PAK5: variants seen among roughly 807,000 people sequenced by gnomAD.
PAK5 encodes the protein serine/threonine-protein kinase PAK 5.
In PAK5, 16 loss-of-function variants were observed where a neutral mutation model predicts 65.9. That is an observed-to-expected ratio of 0.24 (90% CI 0.16 to 0.37). The LOEUF is 0.37. PAK5 is among the 10% of genes least tolerant of loss of function. The probability of loss-of-function intolerance (pLI) is 1.00; values close to 1 mark genes in which losing one functional copy is unlikely to be tolerated. For synonymous variants in PAK5, 371 were observed against 354.9 expected (o/e 1.05, Z -0.51); for missense variants, 785 against 903.9 (o/e 0.87, Z 1.69).
intron 2 of PAK5, among the ~76,000 whole-genome samples, chr20:9,699,373 T>C (rs572477602): frequency 6.6e-6 from 1 of 152,032 alleles, no homozygotes; most frequent in South Asian, 2.1e-4. Flanking sequence ...ATTGCTTCCT[T>C]TCAAGGCTGC....
intron 1 of PAK5, among the ~76,000 whole-genome samples, chr20:9,719,994 G>A (rs1230871035): frequency 1.3e-5 from 2 of 152,204 alleles, no homozygotes; most frequent in Non-Finnish European, 2.9e-5. Flanking sequence ...CCATTGTAAT[G>A]TCTTTGGAGT....
At chr20:9,592,944 G>A (rs559479655) in intron 3 of PAK5, among the ~76,000 whole-genome samples, 23 of 152,254 alleles carry the variant, frequency 1.5e-4, no homozygotes, top group African/African-American at 5.1e-4. Context: ...ATACAAGCCC[G>A]TAGCTGAAAT....
chr20:9,704,555 C>T (rs2047981805), intron 2 of PAK5, among the ~76,000 whole-genome samples: 1 of 152,128 alleles, frequency 6.6e-6, no homozygotes, highest in South Asian at 2.1e-4. Context: ...ATCCCTATTG[C>T]TTTCAGACAG....
Position 9,541,181 on chromosome 20 carries a change from T to C in PAK5, c.2004+1405A>G, listed in dbSNP as rs138571872. Among the ~76,000 whole-genome samples the C allele has an allele frequency of 7.0e-3, 1,061 of 152,266 alleles. 17 individuals carry two copies. Among genetic ancestry groups the C allele is most frequent in the African/African-American group, 0.024 (999 of 41,538 alleles). ...TTTAGGGGTGAGGAAGGAGGAGATA[T>C]TACCATTACAAATAATTCTCCTCCA... On this transcript the variant is annotated intron_variant, in intron 9 of 9. Transcript: ENST00000353224.
intron 3 of PAK5, among the ~76,000 whole-genome samples, chr20:9,581,255 T>C (rs1002315015): frequency 6.6e-6 from 1 of 152,226 alleles, no homozygotes; most frequent in Non-Finnish European, 1.5e-5. Context: ...CTACTTCTTC[T>C]ACCTAAATAA....
At chr20:9,661,570 C>T (rs185940329) in intron 2 of PAK5, among the ~76,000 whole-genome samples, 2 of 152,228 alleles carry the variant, frequency 1.3e-5, no homozygotes, top group East Asian at 3.9e-4. Context: ...ATTTATTCCC[C>T]TTTCTATCAT....
chr20:9,541,322 A>G (rs2045259461), intron 9 of PAK5, among the ~76,000 whole-genome samples: 1 of 152,142 alleles, frequency 6.6e-6, no homozygotes, highest in African/African-American at 2.4e-5. Flanking sequence ...TCCTTTGGAA[A>G]TCTGGCAGCT....
chr20:9,786,475 T>C (rs2048993805), intron 1 of PAK5, among the ~76,000 whole-genome samples: 1 of 152,102 alleles, frequency 6.6e-6, no homozygotes, highest in Non-Finnish European at 1.5e-5. Context: ...TTCCCCTTTC[T>C]CAAAGCCCTA....
At chr20:9,806,200 G>A (rs962295425) in intron 1 of PAK5, among the ~76,000 whole-genome samples, 2 of 151,918 alleles carry the variant, frequency 1.3e-5, no homozygotes, top group Admixed American at 6.6e-5. Context: ...TGTTGGCCAG[G>A]CTGGTCTCGA....
intron 2 of PAK5, among the ~76,000 whole-genome samples, chr20:9,652,131 A>G (rs546884625): frequency 3.7e-4 from 56 of 152,332 alleles, no homozygotes; most frequent in Non-Finnish European, 7.5e-4. Context: ...TACTTTAGAA[A>G]TACCTACCTG....
chr20:9,665,085 G>GTTTTTT (rs754435525), intron 2 of PAK5, among the ~76,000 whole-genome samples: 1 of 98,920 alleles, frequency 1.0e-5, no homozygotes, highest in African/African-American at 4.1e-5. Flanking sequence ...AAATTTTTCT[G>GTTTTTT]TTTTTTTTTT....
chr20:9,645,066 C>T (rs1022479031), intron 2 of PAK5, among the ~76,000 whole-genome samples: 1 of 152,108 alleles, frequency 6.6e-6, no homozygotes, highest in South Asian at 2.1e-4. Flanking sequence ...TTACAAAGCA[C>T]TTGGAAAAAC....
chr20:9,688,935 A>G (rs182638749), intron 2 of PAK5, among the ~76,000 whole-genome samples: 53 of 152,242 alleles, frequency 3.5e-4, no homozygotes, highest in African/African-American at 1.1e-3. Context: ...CACTGCACCA[A>G]CGTAGTTTCA....
chr20:9,813,644 T>C (rs2032103023), intron 1 of PAK5, among the ~76,000 whole-genome samples: 1 of 152,042 alleles, frequency 6.6e-6, no homozygotes, highest in Admixed American at 6.6e-5. Context: ...AGTGGAATGC[T>C]ATATAGCAAT....
chr20:9,765,723 A>G (rs889210367), intron 1 of PAK5, among the ~76,000 whole-genome samples: 13 of 152,162 alleles, frequency 8.5e-5, no homozygotes, highest in Admixed American at 3.3e-4. Context: ...TTAACAGCAC[A>G]TTCTTAGATA....
intron 2 of PAK5, among the ~76,000 whole-genome samples, chr20:9,698,957 A>G (rs976806409): frequency 1.3e-5 from 2 of 152,194 alleles, no homozygotes; most frequent in African/African-American, 4.8e-5. Flanking sequence ...CTGCACTATA[A>G]ATAAGCAAGT....
intron 1 of PAK5, among the ~76,000 whole-genome samples, chr20:9,783,091 C>G (rs2048959145): frequency 6.6e-6 from 1 of 151,906 alleles, no homozygotes; most frequent in African/African-American, 2.4e-5. Context: ...CATGTGCCAC[C>G]ATAATCGGCT....
intron 3 of PAK5, among the ~76,000 whole-genome samples, chr20:9,625,114 A>G (rs2046825525): frequency 6.6e-6 from 1 of 152,086 alleles, no homozygotes; most frequent in Admixed American, 6.5e-5. Context: ...CACTGTCTCC[A>G]CAGCTTCCAC....
At chr20:9,728,394 T>A (rs1240725271) in intron 1 of PAK5, among the ~76,000 whole-genome samples, 1 of 152,180 alleles carries the variant, frequency 6.6e-6, no homozygotes, top group Non-Finnish European at 1.5e-5. Context: ...TACTGGGGTG[T>A]CATTAACTGT....
Sources: allele counts gnomAD v4.1 joint callset (sites outside exome capture counted in the v4.1 genomes callset), GRCh38; gene constraint gnomAD v4.1.1; transcripts MANE v1.5; gene names NCBI Gene and HGNC (gene_info 2026-07-23, HGNC 2026-07-21).